SLC49A3: variants seen among roughly 807,000 people sequenced by gnomAD.
The protein encoded by SLC49A3 is solute carrier family 49 member 3.
A neutral mutation model predicts 43.8 loss-of-function variants in SLC49A3; 50 were observed. The ratio of observed to expected loss-of-function variants is 1.14; its 90% confidence interval spans 0.91 to 1.45. SLC49A3 has a LOEUF of 1.45. Ranked by LOEUF, SLC49A3 falls within the 40% of genes most tolerant of loss-of-function variation. The pLI is 0.00. For missense variants in SLC49A3, 906 were observed against 774.1 expected, an observed-to-expected ratio of 1.17 and a Z score of -2.02; for synonymous variants, 413 against 352.0, an observed-to-expected ratio of 1.17 and a Z score of -1.94.
At chr4:678,383 T>G (rs1022172188), downstream of SLC49A3, 1 of 1,414,222 alleles carries the variant, frequency 7.1e-7, no homozygotes, top group Non-Finnish European at 9.2e-7. Flanking sequence ...TGGCTCCTGC[T>G]GGACGGCGAT....
upstream of SLC49A3, among the ~76,000 whole-genome samples, chr4:690,215 A>ATTT (rs34714607): frequency 1.4e-4 from 20 of 144,712 alleles, no homozygotes; most frequent in South Asian, 8.7e-4. Flanking sequence ...CCACTTTGGG[A>ATTT]TTTTTTTTTT....
In SLC49A3 at chr4:685,114, C is replaced by A. The variant is rs1179575040; in HGVS notation, c.586-258G>T. On this transcript the variant is annotated intron_variant, in intron 4 of 9. Coordinates refer to ENST00000322224, the MANE Select transcript of SLC49A3 (RefSeq NM_032219.4). This position sits in a 1 kb window ranked among gnomAD's most constrained non-coding sequence, Gnocchi z 4.3. ...CTGATGTTAGCCCAGCACCCCCAGG[C>A]TCCAGACTTACATCTCACTGCCAGC... 2 of 541,194 alleles carry A rather than the reference C, an allele frequency of 3.7e-6. No individual in the cohort carries two copies. The highest frequency in any genetic ancestry group is 6.5e-6 in the Non-Finnish European group (2 of 309,214). The allele number at this position is 541,194 out of a possible 1,614,324, so 33.5% of individuals were successfully genotyped here.
upstream of SLC49A3, among the ~76,000 whole-genome samples, chr4:691,543 T>G (rs1309028544): frequency 6.7e-6 from 1 of 149,586 alleles, no homozygotes; most frequent in Non-Finnish European, 1.5e-5. Flanking sequence ...TGCAGTGAGC[T>G]AAGATCGTGC....
chr4:679,916 A>G, downstream of SLC49A3: 1 of 1,613,528 alleles, frequency 6.2e-7, no homozygotes, highest in Non-Finnish European at 8.5e-7. Context: ...TGTAACAGGC[A>G]AGACCAACGT....
downstream of SLC49A3, chr4:680,597 C>A (rs201376779): frequency 1.9e-6 from 3 of 1,612,640 alleles, no homozygotes; most frequent in African/African-American, 2.7e-5. Flanking sequence ...AGTGAGTGCC[C>A]GGGCGGCCAG....
At position 682,802 on chromosome 4, in the gene SLC49A3, C is replaced by T. The variant is rs187312561; in HGVS notation, c.1240G>A (p.Glu414Lys). 1.8e-4 allele frequency: 294 copies of T among 1,596,266 alleles called. No homozygotes were observed. The East Asian group carries it at 6.3e-3, about 34-fold the overall frequency. ...TCACCTGTCCAGTCAAGTGGATCCT[C>T]CCCCTGCTGGCAGGTGGACAAGGAC... Reference protein sequence around the residue: ...EPSLSTCQQGEDPLDWTVSLL... With the variant: ...EPSLSTCQQGKDPLDWTVSLL... The change falls in exon 9 of 10, where the codon GAG (glutamate) becomes AAG (lysine). Residue 414 changes from glutamate to lysine, a missense_variant. Coordinates refer to ENST00000322224, the MANE Select transcript of SLC49A3 (RefSeq NM_032219.4).
downstream of SLC49A3, chr4:680,688 T>TC: frequency 8.2e-7 from 1 of 1,218,944 alleles, no homozygotes. Flanking sequence ...CACGCCCACC[T>TC]CCCCACCTCT....
downstream of SLC49A3, chr4:681,279 C>G (rs1577339167): frequency 1.0e-6 from 1 of 987,138 alleles, no homozygotes; most frequent in African/African-American, 1.6e-5. Context: ...GGGGGGCTCC[C>G]GAAGTGCCCG....
At chr4:679,062 C>T (rs1446814799), downstream of SLC49A3, 1 of 1,583,934 alleles carries the variant, frequency 6.3e-7, no homozygotes, top group African/African-American at 1.4e-5. Context: ...CGCCTCAGAG[C>T]CCTTGGAGGA....
Position 686,181 on chromosome 4 carries a change from G to A in SLC49A3, c.416C>T (p.Ala139Val), listed in dbSNP as rs1740979511. The change falls in exon 3 of 10, where the codon GCC becomes GTC. Residue 139 changes from alanine to valine, a missense_variant. Transcript: ENST00000322224. ...LMGGQSLCALAQSLVIFSPAK... is the reference protein window; with the variant it reads ...LMGGQSLCALVQSLVIFSPAK... Reference sequence around the variant, plus strand: ...TGGAGAGAAGATGACCAGGCTCTGGGCAAGGGCACAGAGGCTCTGGCCACC... The same window carrying A: ...TGGAGAGAAGATGACCAGGCTCTGGACAAGGGCACAGAGGCTCTGGCCACC... The A allele has an allele frequency of 1.2e-6, 2 of 1,613,484 alleles. No individual in the cohort carries two copies. Among genetic ancestry groups the A allele is most frequent in the Admixed American group, 1.7e-5 (1 of 60,028 alleles).
At position 682,139 on chromosome 4, in the gene SLC49A3, T is replaced by TCCTCTAGCGAGGCC; in HGVS notation, c.1485_1498dup (p.Asp500GlyfsTer4). 1 of 1,340,896 alleles carries TCCTCTAGCGAGGCC rather than the reference T, an allele frequency of 7.5e-7. No homozygotes were observed. The highest frequency in any genetic ancestry group is 9.7e-7 in the Non-Finnish European group (1 of 1,034,596). 83.1% of individuals were successfully genotyped at this position (1,340,896 alleles called of 1,614,324 possible). A position where few individuals can be genotyped will look rare whatever the true frequency, so the allele number is the denominator to read the frequency against. ...GTGGGGGCTCCCGGGCCCTCTGGGGTCCTCTAGCGAGGCCCCCCTCGCCGT... is the reference window on the plus strand; with the variant it reads ...GTGGGGGCTCCCGGGCCCTCTGGGGTCCTCTAGCGAGGCCCCTCTAGCGAGGCCCCCCTCGCCGT... On this transcript the variant is annotated stop_gained and frameshift_variant, in exon 10 of 10. Transcript: ENST00000322224. LOFTEE classifies it low-confidence loss of function (END_TRUNC).
chr4:678,505 C>G, downstream of SLC49A3: 1 of 1,444,384 alleles, frequency 6.9e-7, no homozygotes, highest in Non-Finnish European at 9.1e-7. Flanking sequence ...CTACCCAGGC[C>G]TGAGGCTGGC....
chr4:682,662 T>C, intron 9 of SLC49A3, 119 bp downstream of exon 9: 1 of 780,556 alleles, frequency 1.3e-6, no homozygotes. Context: ...CCCTGCGTGG[T>C]GCTCACCTGT....
downstream of SLC49A3, chr4:678,707 G>A: frequency 6.2e-7 from 1 of 1,612,240 alleles, no homozygotes; most frequent in Non-Finnish European, 8.5e-7. Flanking sequence ...CGGGCCCAGA[G>A]AGCCTCATCC....
chr4:683,874 A>AT, intron 6 of SLC49A3, 113 bp from the exon 7 acceptor site: 2 of 1,316,314 alleles, frequency 1.5e-6, no homozygotes, highest in South Asian at 3.2e-5. Flanking sequence ...AGGCCCAGGC[A>AT]TAGCAACACA....
chr4:689,045 C>A lies in SLC49A3; in HGVS notation c.83G>T (p.Arg28Leu). 6.3e-7 allele frequency: 1 copy of A among 1,587,514 alleles called. No homozygotes were observed. ...CAQRGHRTYA[R>L]RWVFLLAISL... Reference sequence around the variant, plus strand: ...GATCGCGAGCAGGAACACCCAGCGGCGCGCGTAGGTGCGGTGGCCCCGCTG... The same window carrying A: ...GATCGCGAGCAGGAACACCCAGCGGAGCGCGTAGGTGCGGTGGCCCCGCTG... Residue 28 changes from arginine (R) to leucine (L), a missense_variant, in exon 1 of 10, where the codon CGC becomes CTC. Transcript: ENST00000322224.
chr4:683,884 A>G (rs1461970739), intron 6 of SLC49A3, 123 bp from the exon 7 acceptor site: 1 of 1,264,978 alleles, frequency 7.9e-7, no homozygotes, highest in Non-Finnish European at 1.1e-6. Flanking sequence ...ATAGCAACAC[A>G]GCTTCCAGAC....
upstream of SLC49A3, among the ~76,000 whole-genome samples, chr4:690,945 C>T (rs1229726259): frequency 1.3e-5 from 2 of 152,246 alleles, no homozygotes; most frequent in African/African-American, 4.8e-5. Flanking sequence ...AAATTAAATA[C>T]TTTGGTATAA....
downstream of SLC49A3, chr4:680,028 G>A (rs71602501): frequency 0.022 from 36,032 of 1,602,824 alleles, 430 homozygotes; most frequent in Middle Eastern, 0.029. Context: ...GGTGAGCACC[G>A]GTGGGGCAGG....
Sources: allele counts gnomAD v4.1 joint callset (sites outside exome capture counted in the v4.1 genomes callset), GRCh38; gene constraint gnomAD v4.1.1; non-coding constraint Gnocchi (gnomAD v3.1); transcripts MANE v1.5; gene names NCBI Gene and HGNC (gene_info 2026-07-23, HGNC 2026-07-21).